CYFIP1: variants seen among roughly 807,000 people sequenced by gnomAD.
CYFIP1 encodes the protein cytoplasmic FMR1 interacting protein 1.
Under a neutral mutation model 163.5 loss-of-function variants are expected in CYFIP1, and 58 were observed. That is an observed-to-expected ratio of 0.35 (90% CI 0.29 to 0.44). CYFIP1 has a LOEUF of 0.44. CYFIP1 is among the 20% of genes least tolerant of loss of function. The pLI, the probability that CYFIP1 is intolerant of heterozygous loss-of-function variation, is 1.00. For missense variants in CYFIP1, 1,338 were observed against 1,653.8 expected (o/e 0.81, Z 3.31); for synonymous variants, 663 against 660.7 (o/e 1.00, Z -0.05).
intron 13 of CYFIP1, among the ~76,000 whole-genome samples, chr15:22,923,630 C>G (rs960587901): frequency 6.6e-6 from 1 of 152,078 alleles, no homozygotes; most frequent in African/African-American, 2.4e-5. Context: ...AAACCAGCAT[C>G]TACACAAAAA....
chr15:22,942,236 T>C lies in CYFIP1; in HGVS notation c.569+937A>G, dbSNP rs1171287893. On this transcript the variant is annotated intron_variant, in intron 6 of 30. Coordinates refer to ENST00000617928, the MANE Select transcript of CYFIP1 (RefSeq NM_014608.6). ...CAAGTGGGTTTTTAAAATAAAGACA[T>C]AGCAACAGTTGTATGATTTAAAATG... 3.3e-5 allele frequency among the ~76,000 whole-genome samples: 5 copies of C among 152,320 alleles called. No homozygotes were observed. In the East Asian group the frequency reaches 5.8e-4, roughly 18 times the overall value.
At position 22,868,779 on chromosome 15, in the gene CYFIP1, A is replaced by G. The variant is rs1429257599; in HGVS notation, c.*1249T>C. 4 of 152,216 alleles carry G rather than the reference A, an allele frequency of 2.6e-5. No individual in the cohort carries two copies. The highest frequency in any genetic ancestry group is 4.4e-5 in the Non-Finnish European group (3 of 68,032). The allele number at this position is 152,216 out of a possible 1,614,324, so 9.4% of individuals were successfully genotyped here. A position where few individuals can be genotyped will look rare whatever the true frequency, so the allele number is the denominator to read the frequency against. ...TGCTTTTTATGGCAACTTGGCATCC[A>G]TAGAAAATTTTAAAATTGGTGAAGG... On this transcript the variant is annotated 3_prime_UTR_variant, in exon 31 of 31. Coordinates refer to ENST00000617928, the MANE Select transcript of CYFIP1 (RefSeq NM_014608.6).
At position 22,874,570 on chromosome 15, in the gene CYFIP1, C is replaced by A; in HGVS notation, c.3190G>T (p.Glu1064Ter). 2 of 1,605,558 alleles carry A rather than the reference C, an allele frequency of 1.2e-6. No individual in the cohort carries two copies. Among genetic ancestry groups the A allele is most frequent in the Non-Finnish European group, 1.7e-6 (2 of 1,176,946 alleles). The change falls in exon 28 of 31, where the codon GAA becomes TAA. Residue 1064 changes from glutamate to a stop codon, truncating the protein, a stop_gained. Transcript: ENST00000617928. LOFTEE classifies it high-confidence loss of function. ...YAPLHLVPLI[E>*]RLGTPQQIAI... ...GTTACCTGAGGGGTCCCCAGTCTTT[C>A]AATCAGTGGGACAAGATGCAGCGGG...
Position 22,958,566 on chromosome 15 carries a change from G to A in CYFIP1, c.-6-11275C>T, listed in dbSNP as rs1016251113. Among the ~76,000 whole-genome samples, 15 of 152,256 alleles carry A rather than the reference G, an allele frequency of 9.9e-5. No individual in the cohort carries two copies. In the East Asian group the frequency reaches 1.5e-3, roughly 16 times the overall value. ...CACGTCTCCACGCCACATGGCCTCC[G>A]CCCCCCACCTTGGGGCTGCAGCCCC... is the stretch of plus-strand genomic sequence containing the variant. On this transcript the variant is annotated intron_variant, in intron 1 of 30. Transcript: ENST00000617928.
chr15:22,955,979 A>G (rs1055707912), intron 1 of CYFIP1, among the ~76,000 whole-genome samples: 7 of 152,122 alleles, frequency 4.6e-5, no homozygotes, highest in African/African-American at 1.7e-4. Context: ...GCACTTTGGG[A>G]GACCGAGGCT....
chr15:22,958,629 C>T (rs986173219), intron 1 of CYFIP1, among the ~76,000 whole-genome samples: 4 of 152,144 alleles, frequency 2.6e-5, no homozygotes, highest in African/African-American at 9.7e-5. Context: ...AGGGGTCTCC[C>T]AAGACCAAGT....
At chr15:22,945,862 C>T (rs1355366786) in intron 3 of CYFIP1, among the ~76,000 whole-genome samples, 11 of 152,084 alleles carry the variant, frequency 7.2e-5, no homozygotes, top group Admixed American at 1.3e-4. Context: ...GGATTACAGG[C>T]GTGGGCCACT....
At chr15:22,928,891 G>T (rs1395378168) in intron 11 of CYFIP1, among the ~76,000 whole-genome samples, 1 of 151,962 alleles carries the variant, frequency 6.6e-6, no homozygotes. Flanking sequence ...AGAGGACCCT[G>T]AGCAGCTCTA....
At chr15:22,953,425 C>T (rs910573340) in intron 1 of CYFIP1, among the ~76,000 whole-genome samples, 1 of 152,180 alleles carries the variant, frequency 6.6e-6, no homozygotes, top group Non-Finnish European at 1.5e-5. Flanking sequence ...TGCGTGACTC[C>T]AGCCGCCTGC....
At position 22,949,717 on chromosome 15, in the gene CYFIP1, G is replaced by A. The variant is rs552368629; in HGVS notation, c.-6-2426C>T. 2.3e-3 allele frequency among the ~76,000 whole-genome samples: 344 copies of A among 152,190 alleles called. 4 individuals carry two copies. Among genetic ancestry groups the A allele is most frequent in the Middle Eastern group, 6.8e-3 (2 of 294 alleles). ...ACAAGACAACTGTAATCTAAAAGGG[G>A]GAGGGGAAACCTGGATGGGGTAAGA... On this transcript the variant is annotated intron_variant, in intron 1 of 30. Coordinates refer to ENST00000617928, the MANE Select transcript of CYFIP1 (RefSeq NM_014608.6).
chr15:22,906,371 G>A (rs2142031401), intron 21 of CYFIP1, among the ~76,000 whole-genome samples: 1 of 151,886 alleles, frequency 6.6e-6, no homozygotes, highest in African/African-American at 2.4e-5. Context: ...GCCTCCAAAA[G>A]TGCTGGGATT....
At chr15:22,900,035 C>G (rs149452610) in intron 22 of CYFIP1, among the ~76,000 whole-genome samples, 122 of 152,212 alleles carry the variant, frequency 8.0e-4, no homozygotes, top group African/African-American at 2.9e-3. Flanking sequence ...CAGAACGAGA[C>G]TCCGTCGAAA....
chr15:22,912,538 G>C (rs997239186), intron 17 of CYFIP1, among the ~76,000 whole-genome samples: 1 of 152,216 alleles, frequency 6.6e-6, no homozygotes, highest in Non-Finnish European at 1.5e-5. Context: ...CCACCTGCCT[G>C]CATCTTCTCA....
intron 30 of CYFIP1, among the ~76,000 whole-genome samples, chr15:22,871,093 T>G (rs1052524954): frequency 1.1e-4 from 16 of 152,000 alleles, no homozygotes; most frequent in Non-Finnish European, 2.4e-4. Context: ...GACCTCCAAT[T>G]CGGCTAAAGC....
intron 1 of CYFIP1, among the ~76,000 whole-genome samples, chr15:22,962,476 A>G (rs57593590): frequency 0.21 from 30,885 of 149,878 alleles, 3,366 homozygotes; most frequent in Middle Eastern, 0.24. Context: ...TCAGCTCACC[A>G]CCACCTCCGC....
chr15:22,875,315 C>T (rs768891492), intron 26 of CYFIP1, 44 bp from the exon 27 acceptor site: 2 of 1,560,674 alleles, frequency 1.3e-6, no homozygotes, highest in South Asian at 2.2e-5. Context: ...GGGTATCTCG[C>T]CAGAGAGCAA....
chr15:22,917,972 G>T lies in CYFIP1; in HGVS notation c.1527-37C>A. 6.3e-7 allele frequency: 1 copy of T among 1,598,924 alleles called. No homozygotes were observed. The highest frequency in any genetic ancestry group is 8.5e-7 in the Non-Finnish European group (1 of 1,172,796). On this transcript the variant is annotated intron_variant, in intron 14 of 30. Transcript: ENST00000617928. This position sits in a 1 kb window ranked among gnomAD's most constrained non-coding sequence, Gnocchi z 4.2. ...ACCAAGTGATCAGCAAGGCCCAGAG[G>T]CCGAGACCTCCAGCCTCACAATCAC...
chr15:22,869,884 A>G lies in CYFIP1; in HGVS notation c.*144T>C, dbSNP rs898726106. 16 of 685,878 alleles carry G rather than the reference A, an allele frequency of 2.3e-5. No individual in the cohort carries two copies. The East Asian group carries it at 4.5e-4, about 19-fold the overall frequency. 42.5% of individuals were successfully genotyped at this position (685,878 alleles called of 1,614,324 possible). ...AATTTTAGTCTAGAAAAATAAGTCAATTTTATAAAATTAAGTTTTTAGATC... is the reference window on the plus strand; with the variant it reads ...AATTTTAGTCTAGAAAAATAAGTCAGTTTTATAAAATTAAGTTTTTAGATC... On this transcript the variant is annotated 3_prime_UTR_variant, in exon 31 of 31. Transcript: ENST00000617928.
At chr15:22,954,689 C>G (rs7181157) in intron 1 of CYFIP1, among the ~76,000 whole-genome samples, 36,917 of 152,160 alleles carry the variant, frequency 0.24, 5,106 homozygotes, top group African/African-American at 0.35. Context: ...CAGCAGTTCT[C>G]AACCCTCATG....
Sources: allele counts gnomAD v4.1 joint callset (sites outside exome capture counted in the v4.1 genomes callset), GRCh38; gene constraint gnomAD v4.1.1; non-coding constraint Gnocchi (gnomAD v3.1); transcripts MANE v1.5; gene names NCBI Gene and HGNC (gene_info 2026-07-23, HGNC 2026-07-21).